Variants in NKAIN2 observed in about 807,000 individuals in gnomAD.
NKAIN2 encodes sodium/potassium-transporting ATPase subunit beta-1-interacting protein 2.
In NKAIN2, 14 loss-of-function variants were observed where a neutral mutation model predicts 32.6. That is an observed-to-expected ratio of 0.43 (90% CI 0.28 to 0.67). The LOEUF (loss-of-function observed/expected upper bound fraction) is 0.67. Ranked by LOEUF, NKAIN2 falls within the 30% of genes least tolerant of loss-of-function variation. The pLI is 0.17. For synonymous variants in NKAIN2, 80 were observed against 87.2 expected, an observed-to-expected ratio of 0.92 and a Z score of 0.46; for missense variants, 198 against 258.3, an observed-to-expected ratio of 0.77 and a Z score of 1.60.
At chr6:124,564,195 A>C (rs1345596238) in intron 3 of NKAIN2, among the ~76,000 whole-genome samples, 2 of 152,176 alleles carry the variant, frequency 1.3e-5, no homozygotes, top group African/African-American at 4.8e-5. Flanking sequence ...AAACACGCCA[A>C]TCAGCGCTCT....
At chr6:124,704,762 T>A (rs2114579622) in intron 4 of NKAIN2, among the ~76,000 whole-genome samples, 1 of 151,972 alleles carries the variant, frequency 6.6e-6, no homozygotes, top group South Asian at 2.1e-4. Context: ...TATCTGAAAA[T>A]CTACTATGAT....
chr6:124,789,932 C>G (rs532914360), intron 4 of NKAIN2, among the ~76,000 whole-genome samples: 28 of 152,054 alleles, frequency 1.8e-4, no homozygotes, highest in African/African-American at 6.7e-4. Context: ...GGTACAGATA[C>G]TACAGTTGGG....
intron 2 of NKAIN2, among the ~76,000 whole-genome samples, chr6:124,316,265 T>G (rs1166572231): frequency 6.6e-6 from 1 of 152,112 alleles, no homozygotes; most frequent in Non-Finnish European, 1.5e-5. Context: ...ACACCTATTA[T>G]GTATCCATAA....
chr6:124,739,991 T>C (rs1333727631), intron 4 of NKAIN2, among the ~76,000 whole-genome samples: 3 of 151,818 alleles, frequency 2.0e-5, no homozygotes, highest in Non-Finnish European at 4.4e-5. Flanking sequence ...CCTCCAGCTG[T>C]TTCATCTGAG....
chr6:124,529,591 G>T (rs1386916355), intron 3 of NKAIN2, among the ~76,000 whole-genome samples: 1 of 152,124 alleles, frequency 6.6e-6, no homozygotes, highest in Non-Finnish European at 1.5e-5. Flanking sequence ...GCTTTGGCCA[G>T]GTCGGATCAC....
intron 3 of NKAIN2, among the ~76,000 whole-genome samples, chr6:124,508,182 G>A (rs989618347): frequency 2.0e-5 from 3 of 151,898 alleles, no homozygotes; most frequent in South Asian, 2.1e-4. Flanking sequence ...ACTTGAGCTT[G>A]GGAGGTTAAG....
At chr6:124,022,369 C>T (rs533302889) in intron 1 of NKAIN2, among the ~76,000 whole-genome samples, 1 of 152,234 alleles carries the variant, frequency 6.6e-6, no homozygotes, top group African/African-American at 2.4e-5. Flanking sequence ...GTGCATGTGT[C>T]TGTATAGCAG....
At chr6:124,126,127 A>G (rs1786151674) in intron 1 of NKAIN2, among the ~76,000 whole-genome samples, 3 of 152,030 alleles carry the variant, frequency 2.0e-5, no homozygotes. Flanking sequence ...GCCCATGATC[A>G]TTTCCTGCAA....
chr6:124,328,256 C>A (rs546798083), intron 2 of NKAIN2, among the ~76,000 whole-genome samples: 8 of 152,058 alleles, frequency 5.3e-5, no homozygotes, highest in Non-Finnish European at 8.8e-5. Flanking sequence ...ACCTTTAAAA[C>A]CTGTGTGATG....
intron 3 of NKAIN2, among the ~76,000 whole-genome samples, chr6:124,426,440 A>G (rs903784140): frequency 2.0e-5 from 3 of 152,190 alleles, no homozygotes; most frequent in Non-Finnish European, 4.4e-5. Context: ...GTATCTGGTA[A>G]GTTACTTGTA....
In NKAIN2 at chr6:124,028,925, G is replaced by GTATA. The variant is rs201017247; in HGVS notation, c.54+224684_54+224687dup. On this transcript the variant is annotated intron_variant, in intron 1 of 6. Transcript: ENST00000368417. ...TATACACATATATGTATATATATGT[G>GTATA]TATATATATATATATAGTTTTCAAG... 6.6e-3 allele frequency among the ~76,000 whole-genome samples: 537 copies of GTATA among 81,358 alleles called. 3 individuals carry two copies. Among genetic ancestry groups the GTATA allele is most frequent in the Middle Eastern group, 0.015 (2 of 136 alleles). 53.4% of individuals were successfully genotyped at this position (81,358 alleles called of 152,430 possible). A position where few individuals can be genotyped will look rare whatever the true frequency, so the allele number is the denominator to read the frequency against.
rs190832903 is a variant in NKAIN2, at chr6:123,807,456, A to G, written c.54+3202A>G. On this transcript the variant is annotated intron_variant, in intron 1 of 6. Transcript: ENST00000368417. ...AATACTCAGAAACTGAAGATTTCAG[A>G]TAGTAACAAAAATCATCACTGCATT... is the stretch of plus-strand genomic sequence containing the variant. 3.3e-5 allele frequency among the ~76,000 whole-genome samples: 5 copies of G among 152,248 alleles called. No individual in the cohort carries two copies. In the East Asian group the frequency reaches 9.6e-4, roughly 29 times the overall value.
At chr6:124,446,540 G>A (rs186364885) in intron 3 of NKAIN2, among the ~76,000 whole-genome samples, 7 of 152,014 alleles carry the variant, frequency 4.6e-5, no homozygotes, top group Admixed American at 3.3e-4. Context: ...ACGGGGTTTT[G>A]CCACATTGCC....
At chr6:124,701,178 C>CA (rs1774772655) in intron 4 of NKAIN2, among the ~76,000 whole-genome samples, 8 of 150,504 alleles carry the variant, frequency 5.3e-5, no homozygotes, top group African/African-American at 2.0e-4. Context: ...CACACACACA[C>CA]CGGATGACAT....
intron 3 of NKAIN2, among the ~76,000 whole-genome samples, chr6:124,458,486 TG>T (rs1163412903): frequency 6.6e-6 from 1 of 151,922 alleles, no homozygotes; most frequent in Non-Finnish European, 1.5e-5. Context: ...TATCATTAAC[TG>T]GAAATAAAAT....
chr6:123,821,746 G>A (rs751314630), intron 1 of NKAIN2, among the ~76,000 whole-genome samples: 4 of 152,126 alleles, frequency 2.6e-5, no homozygotes, highest in Admixed American at 6.5e-5. Flanking sequence ...TGAGGGAGCC[G>A]TGAAGTTCAA....
At chr6:123,844,484 CA>C (rs1177158651) in intron 1 of NKAIN2, among the ~76,000 whole-genome samples, 2 of 152,068 alleles carry the variant, frequency 1.3e-5, no homozygotes, top group Non-Finnish European at 2.9e-5. Context: ...CCCCTTTAAC[CA>C]AATCTCTGTT....
At chr6:124,654,084 C>T (rs1020921134) in intron 3 of NKAIN2, among the ~76,000 whole-genome samples, 1 of 152,176 alleles carries the variant, frequency 6.6e-6, no homozygotes, top group Middle Eastern at 3.4e-3. Context: ...TCACACATTT[C>T]ATACTAGAAA....
intron 2 of NKAIN2, among the ~76,000 whole-genome samples, chr6:124,353,348 G>A (rs148963354): frequency 9.5e-4 from 145 of 152,250 alleles, no homozygotes; most frequent in African/African-American, 3.3e-3. Flanking sequence ...GCAGGGCTCA[G>A]CCAATTCTGG....
Sources: allele counts gnomAD v4.1 joint callset (sites outside exome capture counted in the v4.1 genomes callset), GRCh38; gene constraint gnomAD v4.1.1; transcripts MANE v1.5; gene names NCBI Gene and HGNC (gene_info 2026-07-23, HGNC 2026-07-21).